Variants in HTT observed in about 807,000 individuals in gnomAD.
HTT encodes the protein huntingtin, also known as huntington disease protein.
Under a neutral mutation model 362.3 loss-of-function variants are expected in HTT, and 104 were observed. The observed-to-expected ratio is 0.29, with a 90% CI of 0.24 to 0.34. The LOEUF (loss-of-function observed/expected upper bound fraction) is 0.34, where lower values mean the gene tolerates loss of function less well. HTT is among the 10% of genes least tolerant of loss of function. The pLI, the probability that HTT is intolerant of heterozygous loss-of-function variation, is 1.00. For missense variants in HTT, 3,301 were observed against 3,928.6 expected (o/e 0.84, Z 4.27); for synonymous variants, 1,577 against 1,548.7 (o/e 1.02, Z -0.43).
chr4:3,225,970 T>C (rs1192583913), intron 57 of HTT, among the ~76,000 whole-genome samples: 1 of 152,048 alleles, frequency 6.6e-6, no homozygotes, highest in Non-Finnish European at 1.5e-5. Context: ...TTCCAGAAAG[T>C]AGTTAAGAGA....
intron 23 of HTT, 74 bp from the exon 24 acceptor site, chr4:3,145,078 A>G: frequency 9.2e-7 from 1 of 1,082,506 alleles, no homozygotes; most frequent in Non-Finnish European, 1.4e-6. Context: ...ACTTTTTATA[A>G]AGGGTAACAG....
rs538923456 is a variant in HTT, at chr4:3,132,730, A to G, written c.2395+10A>G. On this transcript the variant is annotated intron_variant, in intron 17 of 66. Coordinates refer to ENST00000355072, the MANE Select transcript of HTT (RefSeq NM_001388492.1). ...ATTAGAACCCTCACAGGTAACGGCC[A>G]GTTTTTCAGCTGTGTTTTTTCTAGT... 6.2e-7 allele frequency: 1 copy of G among 1,614,068 alleles called. No individual in the cohort carries two copies. The highest frequency in any genetic ancestry group is 8.5e-7 in the Non-Finnish European group (1 of 1,179,924).
intron 10 of HTT, 169 bp downstream of exon 10, chr4:3,123,105 C>T: frequency 2.2e-6 from 1 of 453,370 alleles, no homozygotes; most frequent in Non-Finnish European, 3.8e-6. Context: ...ATAACCAGGC[C>T]TGAATAGTTT....
chr4:3,116,313 C>G (rs1296567648), intron 8 of HTT, 50 bp downstream of exon 8: 5 of 1,463,234 alleles, frequency 3.4e-6, no homozygotes, highest in Admixed American at 1.7e-5. Context: ...GACTGACATT[C>G]AAAGAACCGA....
chr4:3,079,362 T>G (rs2110134343), intron 1 of HTT, among the ~76,000 whole-genome samples: 1 of 151,348 alleles, frequency 6.6e-6, no homozygotes, highest in South Asian at 2.1e-4. Flanking sequence ...GCTCAAGTGA[T>G]CCTCCCACCT....
intron 6 of HTT, among the ~76,000 whole-genome samples, chr4:3,109,990 G>A (rs1280049495): frequency 2.0e-5 from 3 of 152,154 alleles, no homozygotes; most frequent in African/African-American, 7.2e-5. Flanking sequence ...GGAGACAGCC[G>A]CCCACTTCTT....
intron 2 of HTT, among the ~76,000 whole-genome samples, chr4:3,095,633 C>A (rs1713819632): frequency 6.6e-6 from 1 of 152,152 alleles, no homozygotes; most frequent in South Asian, 2.1e-4. Flanking sequence ...TTCTTTTAAG[C>A]CACATAGTTT....
rs1715731184 is a variant in HTT at position 3,130,112 on chromosome 4, A to G, written c.1867+65A>G. 2.0e-6 allele frequency: 3 copies of G among 1,476,810 alleles called. No homozygotes were observed. In the South Asian group the frequency reaches 4.1e-5, roughly 20 times the overall value. 91.5% of individuals were successfully genotyped at this position (1,476,810 alleles called of 1,614,324 possible). A position where few individuals can be genotyped will look rare whatever the true frequency, so the allele number is the denominator to read the frequency against. On this transcript the variant is annotated intron_variant, in intron 13 of 66. Coordinates refer to ENST00000355072, the MANE Select transcript of HTT (RefSeq NM_001388492.1). Reference sequence around the variant, plus strand: ...ATTCAGACCTGGACATCTTAATTATATCTTTGCTTCCAAGAAGAAGTCCTT... The same window carrying G: ...ATTCAGACCTGGACATCTTAATTATGTCTTTGCTTCCAAGAAGAAGTCCTT...
Position 3,074,938 on chromosome 4 carries a change from A to AGCAGCAGCAGCCGCC in HTT, c.115_116insAGCAGCAGCCGCCGC (p.Gln38_Pro39insGlnGlnGlnProPro). ...CAGCAGCAGCAGCAGCAGCAGCAAC[A>AGCAGCAGCAGCCGCC]GCCGCCACCGCCGCCGCCGCCGCCG... is the stretch of plus-strand genomic sequence containing the variant. On this transcript the variant is annotated inframe_insertion, in exon 1 of 67. Transcript: ENST00000355072. 7.9e-7 allele frequency: 1 copy of AGCAGCAGCAGCCGCC among 1,266,788 alleles called. No individual in the cohort carries two copies. The highest frequency in any genetic ancestry group is 1.0e-6 in the Non-Finnish European group (1 of 957,294). The allele number at this position is 1,266,788 out of a possible 1,614,324, so 78.5% of individuals were successfully genotyped here.
At chr4:3,121,518 A>G in intron 9 of HTT, 86 bp downstream of exon 9, 1 of 851,908 alleles carries the variant, frequency 1.2e-6, no homozygotes. Flanking sequence ...GCCCTGTGCT[A>G]AGCAGTCTGC....
At chr4:3,233,041 C>A in intron 60 of HTT, 122 bp from the exon 61 acceptor site, 1 of 765,118 alleles carries the variant, frequency 1.3e-6, no homozygotes, top group Non-Finnish European at 2.1e-6. Context: ...TGGTCTCCGG[C>A]CTGCTGTGTA....
At chr4:3,114,406 C>T (rs1221092343) in intron 6 of HTT, among the ~76,000 whole-genome samples, 3 of 152,214 alleles carry the variant, frequency 2.0e-5, no homozygotes. Flanking sequence ...GCTCCCAATA[C>T]AGAGGTCTCG....
intron 26 of HTT, among the ~76,000 whole-genome samples, chr4:3,148,690 C>T (rs559413587): frequency 1.4e-4 from 21 of 152,188 alleles, no homozygotes; most frequent in African/African-American, 4.8e-4. Flanking sequence ...CCCAGCTGCT[C>T]GGGAGGCTGA....
intron 36 of HTT, 68 bp downstream of exon 36, chr4:3,180,719 AT>A: frequency 7.3e-7 from 1 of 1,369,932 alleles, no homozygotes; most frequent in South Asian, 1.5e-5. Flanking sequence ...AGGAAGTGCC[AT>A]GTGGTAACGC....
chr4:3,240,248 G>C lies in HTT; in HGVS notation c.*189G>C, dbSNP rs1256377299. The C allele has an allele frequency of 8.2e-6, 5 of 612,624 alleles. No homozygotes were observed. The East Asian group carries it at 1.4e-4, about 17-fold the overall frequency. 37.9% of individuals were successfully genotyped at this position (612,624 alleles called of 1,614,324 possible). On this transcript the variant is annotated 3_prime_UTR_variant, in exon 67 of 67. Coordinates refer to ENST00000355072, the MANE Select transcript of HTT (RefSeq NM_001388492.1). ...CTCTTTGTGGCAGTGGCCAGGCAGG[G>C]AGTGTCTGCAGTCCTGGTGGGGCTG...
At chr4:3,122,377 C>T (rs1364032487) in intron 9 of HTT, among the ~76,000 whole-genome samples, 1 of 152,206 alleles carries the variant, frequency 6.6e-6, no homozygotes, top group Non-Finnish European at 1.5e-5. Context: ...AGTGTGTGTG[C>T]AGCGTGGCCT....
At chr4:3,117,661 A>G (rs562543097) in intron 8 of HTT, among the ~76,000 whole-genome samples, 28 of 152,144 alleles carry the variant, frequency 1.8e-4, no homozygotes, top group African/African-American at 6.5e-4. Context: ...ACATGGCGAA[A>G]CCCCATGTCT....
chr4:3,145,259 T>C (rs1244800719), intron 24 of HTT, 31 bp downstream of exon 24: 1 of 1,380,796 alleles, frequency 7.2e-7, no homozygotes, highest in South Asian at 1.2e-5. Context: ...ATATTAATAG[T>C]TGTCTACAAC....
In HTT at chr4:3,131,748, G is replaced by GA. The variant is rs1220673196; in HGVS notation, c.2209_2210insA (p.Val737AspfsTer4). 5 of 1,614,046 alleles carry GA rather than the reference G, an allele frequency of 3.1e-6. No individual in the cohort carries two copies. Among genetic ancestry groups the GA allele is most frequent in the Non-Finnish European group, 3.4e-6 (4 of 1,179,962 alleles). ...ATCTTTCTTCAGCAAACTCTATAAA[G>GA]TTCCTCTTGACACCACGGAATACCC... On this transcript the variant is annotated frameshift_variant, in exon 16 of 67. Coordinates refer to ENST00000355072, the MANE Select transcript of HTT (RefSeq NM_001388492.1). LOFTEE classifies it high-confidence loss of function.
Sources: gnomAD v4.1 joint callset for allele counts (sites outside exome capture counted in the v4.1 genomes callset) on GRCh38, gnomAD v4.1.1 for gene constraint, MANE v1.5 for transcripts, NCBI Gene and HGNC (gene_info 2026-07-23, HGNC 2026-07-21) for gene names.